Variants in SGF29 observed in about 807,000 individuals in gnomAD.
SGF29 encodes SAGA complex associated factor 29, also known as SAGA-associated factor 29.
A neutral mutation model predicts 38.1 loss-of-function variants in SGF29; 15 were observed. The ratio of observed to expected loss-of-function variants is 0.39; its 90% CI spans 0.26 to 0.61. The LOEUF (loss-of-function observed/expected upper bound fraction) is 0.61, where lower values mean the gene tolerates loss of function less well. Ranked by LOEUF, SGF29 falls within the 20% of genes least tolerant of loss-of-function variation. The probability of loss-of-function intolerance (pLI) is 0.49; values close to 1 mark genes in which losing one functional copy is unlikely to be tolerated. For synonymous variants in SGF29, 151 were observed against 160.8 expected (o/e 0.94, Z 0.46); for missense variants, 184 against 394.6 (o/e 0.47, Z 4.52).
At chr16:28,586,513 A>C (rs1175160856) in intron 4 of SGF29, among the ~76,000 whole-genome samples, 1 of 152,096 alleles carries the variant, frequency 6.6e-6, no homozygotes. Context: ...CCTCAAAAAA[A>C]AAAAAAAAAC....
intron 1 of SGF29, among the ~76,000 whole-genome samples, chr16:28,564,593 A>ATATATG (rs2046814442): frequency 7.8e-6 from 1 of 127,432 alleles, no homozygotes; most frequent in South Asian, 2.2e-4. Flanking sequence ...ATATATATAC[A>ATATATG]CACATATATG....
intron 4 of SGF29, among the ~76,000 whole-genome samples, chr16:28,586,814 C>T (rs1381015920): frequency 6.6e-6 from 1 of 152,152 alleles, no homozygotes; most frequent in Non-Finnish European, 1.5e-5. Flanking sequence ...GTATTTTCCA[C>T]GTTTCTCTTG....
intron 1 of SGF29, among the ~76,000 whole-genome samples, chr16:28,556,368 C>T (rs559911309): frequency 5.9e-5 from 9 of 151,998 alleles, no homozygotes; most frequent in Admixed American, 3.3e-4. Flanking sequence ...TGTTTTGAGA[C>T]GGAGTTTCAC....
intron 4 of SGF29, among the ~76,000 whole-genome samples, chr16:28,588,355 C>T (rs2046967133): frequency 6.6e-6 from 1 of 152,178 alleles, no homozygotes; most frequent in African/African-American, 2.4e-5. Context: ...CAGAGTCTCC[C>T]CTCCTTTTGT....
At chr16:28,581,918 C>CA (rs201203626) in intron 2 of SGF29, among the ~76,000 whole-genome samples, 45,645 of 137,026 alleles carry the variant, frequency 0.33, 7,785 homozygotes, top group Non-Finnish European at 0.39. Flanking sequence ...GACTCCATCT[C>CA]AAAAAAAAAA....
At chr16:28,579,657 G>A (rs143399275) in intron 1 of SGF29, among the ~76,000 whole-genome samples, 5,707 of 151,828 alleles carry the variant, frequency 0.038, 227 homozygotes, top group East Asian at 0.21. Context: ...CTGGCTGGGC[G>A]TGGTGGCTCA....
At chr16:28,555,986 T>C (rs1446342601) in intron 1 of SGF29, among the ~76,000 whole-genome samples, 3 of 152,200 alleles carry the variant, frequency 2.0e-5, no homozygotes, top group African/African-American at 7.2e-5. Flanking sequence ...TTTCCTGAGT[T>C]ACCTAGCATA....
At chr16:28,588,002 G>A (rs1463297204) in intron 4 of SGF29, among the ~76,000 whole-genome samples, 1 of 152,006 alleles carries the variant, frequency 6.6e-6, no homozygotes, top group Non-Finnish European at 1.5e-5. Flanking sequence ...GTTTCTCTAT[G>A]TTGGCCAGGC....
At position 28,572,255 on chromosome 16, in the gene SGF29, C is replaced by T. The variant is rs374850306; in HGVS notation, c.-15-8800C>T. On this transcript the variant is annotated intron_variant, in intron 1 of 9. Transcript: ENST00000317058. Reference sequence around the variant, plus strand: ...CCTCCCTAAGTGCTGGGATTACAGGCGTGAGCCACTGCGCCCGGCCCTTTT... The same window carrying T: ...CCTCCCTAAGTGCTGGGATTACAGGTGTGAGCCACTGCGCCCGGCCCTTTT... Among the ~76,000 whole-genome samples, 55 of 151,860 alleles carry T rather than the reference C, an allele frequency of 3.6e-4. 1 individual carries two copies. In the South Asian group the frequency reaches 7.5e-3, roughly 21 times the overall value.
chr16:28,572,767 G>A (rs1324192701), intron 1 of SGF29, among the ~76,000 whole-genome samples: 2 of 152,158 alleles, frequency 1.3e-5, no homozygotes, highest in African/African-American at 4.8e-5. Context: ...CAGAAGGAAT[G>A]TCAGCTGAGC....
At chr16:28,554,128 T>G (rs1015887838) in intron 1 of SGF29, 31 bp downstream of exon 1, 1 of 152,214 alleles carries the variant, frequency 6.6e-6, no homozygotes, top group African/African-American at 2.4e-5. Context: ...GCCTGAGACC[T>G]CCGGCGAAAC....
chr16:28,577,702 C>T (rs1383258458), intron 1 of SGF29, among the ~76,000 whole-genome samples: 1 of 152,180 alleles, frequency 6.6e-6, no homozygotes, highest in Non-Finnish European at 1.5e-5. Flanking sequence ...TTTTGACTTG[C>T]ATTTCCCAAT....
chr16:28,559,385 GT>G (rs2046772298), intron 1 of SGF29, among the ~76,000 whole-genome samples: 1 of 74,140 alleles, frequency 1.3e-5, no homozygotes. Flanking sequence ...AGCTGTTTTT[GT>G]TGTTGTTGTT....
chr16:28,559,912 A>G (rs1357225450), intron 1 of SGF29, among the ~76,000 whole-genome samples: 1 of 152,164 alleles, frequency 6.6e-6, no homozygotes, highest in African/African-American at 2.4e-5. Context: ...ATCATCTACA[A>G]TGTCCAGGAT....
chr16:28,559,843 T>A (rs990332602), intron 1 of SGF29, among the ~76,000 whole-genome samples: 6 of 152,206 alleles, frequency 3.9e-5, no homozygotes, highest in African/African-American at 1.4e-4. Context: ...TAACTGCATG[T>A]TAACAGAAAC....
chr16:28,554,161 TC>T (rs898619966), intron 1 of SGF29, 64 bp downstream of exon 1: 2 of 150,752 alleles, frequency 1.3e-5, no homozygotes, highest in African/African-American at 4.9e-5. Context: ...GGCTGAGTCC[TC>T]CCTCCGCGCC....
chr16:28,564,674 T>TATATATAC (rs1491240594), intron 1 of SGF29, among the ~76,000 whole-genome samples: 1 of 90,226 alleles, frequency 1.1e-5, no homozygotes, highest in Non-Finnish European at 2.2e-5. Flanking sequence ...TGCATATATA[T>TATATATAC]GTATATATAT....
At chr16:28,563,747 G>T (rs559517014) in intron 1 of SGF29, among the ~76,000 whole-genome samples, 5 of 119,746 alleles carry the variant, frequency 4.2e-5, no homozygotes, top group Admixed American at 3.1e-4. Context: ...TTGAGACAGA[G>T]TCTTGCTCTG....
At chr16:28,554,267 A>AGGAGGGCGGGGCCGGGGCTCGG (rs1426183290) in intron 1 of SGF29, 170 bp downstream of exon 1, 3 of 82,320 alleles carry the variant, frequency 3.6e-5, no homozygotes, top group African/African-American at 9.5e-5. Flanking sequence ...GGGGCGGGAG[A>AGGAGGGCGGGGCCGGGGCTCGG]GGAGGGCGGG....
Sources: allele counts gnomAD v4.1 joint callset (sites outside exome capture counted in the v4.1 genomes callset), GRCh38; gene constraint gnomAD v4.1.1; transcripts MANE v1.5; gene names NCBI Gene and HGNC (gene_info 2026-07-23, HGNC 2026-07-21).